The following SGSM3 variants were observed in gnomAD, a reference collection of about 807,000 sequenced individuals.
The protein encoded by SGSM3 is small G protein signaling modulator 3.
SGSM3 carries 96 observed loss-of-function variants against 100.5 expected under a neutral mutation model. The observed-to-expected ratio is 0.96, with a 90% CI of 0.81 to 1.13. SGSM3 has a LOEUF of 1.13. Among genes scored for constraint, SGSM3 ranks in the 50% most tolerant of loss-of-function variants. The probability of loss-of-function intolerance (pLI) is 0.00; values close to 1 mark genes in which losing one functional copy is unlikely to be tolerated. For synonymous variants in SGSM3, 483 were observed against 422.8 expected (o/e 1.14, Z -1.75); for missense variants, 1,001 against 1,015.8 (o/e 0.99, Z 0.20).
At chr22:40,374,188 G>A (rs955242632) in intron 1 of SGSM3, among the ~76,000 whole-genome samples, 8 of 151,964 alleles carry the variant, frequency 5.3e-5, no homozygotes, top group African/African-American at 1.7e-4. Context: ...ATCTGACCTC[G>A]TGATCCGCCT....
At chr22:40,403,790 G>T (rs955003153) in intron 4 of SGSM3, among the ~76,000 whole-genome samples, 2 of 152,200 alleles carry the variant, frequency 1.3e-5, no homozygotes, top group African/African-American at 2.4e-5. Flanking sequence ...TGGGAGGTGA[G>T]GGTAGCAACA....
intron 21 of SGSM3, 26 bp from the exon 22 acceptor site, chr22:40,409,656 G>GAGGTGAGGGGCTGCCCTGT: frequency 6.2e-7 from 1 of 1,610,052 alleles, no homozygotes; most frequent in Non-Finnish European, 8.5e-7. Context: ...CAAGGCCTGT[G>GAGGTGAGGGGCTGCCCTGT]AGGTGAGGGG....
chr22:40,409,597 G>A (rs1213029053), intron 21 of SGSM3, 72 bp downstream of exon 21: 1 of 1,613,378 alleles, frequency 6.2e-7, no homozygotes, highest in Non-Finnish European at 8.5e-7. Context: ...GGCTAAGGTG[G>A]GAACCCGAAG....
intron 1 of SGSM3, among the ~76,000 whole-genome samples, chr22:40,385,300 G>A (rs1489805551): frequency 2.0e-5 from 3 of 152,354 alleles, no homozygotes. Context: ...ATGGCAGTGA[G>A]GCAGAGGGAT....
intron 1 of SGSM3, among the ~76,000 whole-genome samples, chr22:40,383,633 G>C (rs1238543257): frequency 6.6e-6 from 1 of 152,094 alleles, no homozygotes; most frequent in Non-Finnish European, 1.5e-5. Context: ...TATAAATAAA[G>C]GCACAGAGGC....
chr22:40,405,906 G>A (rs917865271), intron 8 of SGSM3, 62 bp downstream of exon 8: 48 of 1,537,682 alleles, frequency 3.1e-5, no homozygotes, highest in Non-Finnish European at 3.8e-5. Flanking sequence ...GCGGGTGGCC[G>A]AGTGGGGATA....
intron 1 of SGSM3, among the ~76,000 whole-genome samples, chr22:40,375,106 A>G (rs1767047181): frequency 6.6e-6 from 1 of 152,316 alleles, no homozygotes; most frequent in South Asian, 2.1e-4. Context: ...ACAGTTAACT[A>G]TTAACTGTCT....
intron 1 of SGSM3, chr22:40,376,146 G>A (rs1375541786): frequency 1.4e-5 from 2 of 138,108 alleles, no homozygotes; most frequent in South Asian, 2.3e-4. Context: ...TTAATTATGT[G>A]ACTTGAGGAT....
rs369832919 is a variant in SGSM3, at chr22:40,407,824, G to A, written c.1560G>A (p.Gly520=). 142 of 1,613,302 alleles carry A rather than the reference G, an allele frequency of 8.8e-5. No individual in the cohort carries two copies. Among genetic ancestry groups the A allele is most frequent in the Admixed American group, 4.7e-4 (28 of 59,920 alleles). Residue 520 remains glycine, a synonymous_variant, in exon 14 of 22, where the codon GGG becomes GGA. Transcript: ENST00000248929. This position sits in a 1 kb window ranked among gnomAD's most constrained non-coding sequence, Gnocchi z 4.7. ...VSQKDEHCWV[G]ELNGLRGWFP... ...AGAAGGACGAGCACTGCTGGGTGGGGGAGCTCAACGGCCTGCGAGGTGGGG... is the reference window on the plus strand; with the variant it reads ...AGAAGGACGAGCACTGCTGGGTGGGAGAGCTCAACGGCCTGCGAGGTGGGG...
intron 1 of SGSM3, among the ~76,000 whole-genome samples, chr22:40,389,664 T>C (rs2049069064): frequency 6.7e-6 from 1 of 149,204 alleles, no homozygotes; most frequent in African/African-American, 2.5e-5. Context: ...TCCCAGCACT[T>C]TGGGAGGCCG....
chr22:40,396,574 CAG>C (rs1206224353), intron 1 of SGSM3, among the ~76,000 whole-genome samples: 2 of 116,228 alleles, frequency 1.7e-5, no homozygotes, highest in South Asian at 2.6e-4. Flanking sequence ...GCCTGGGCGA[CAG>C]AGTGAGACTC....
chr22:40,401,792 C>T, intron 3 of SGSM3, 117 bp downstream of exon 3: 1 of 806,784 alleles, frequency 1.2e-6, no homozygotes. Context: ...TATGAGTTCC[C>T]CACCAGAGAT....
At chr22:40,400,010 T>A (rs1238600624) in intron 1 of SGSM3, among the ~76,000 whole-genome samples, 1 of 152,262 alleles carries the variant, frequency 6.6e-6, no homozygotes, top group Non-Finnish European at 1.5e-5. Context: ...ACTGGGATTT[T>A]CTCACAGCTC....
intron 1 of SGSM3, chr22:40,373,402 T>C (rs532357110): frequency 2.0e-5 from 3 of 152,214 alleles, no homozygotes; most frequent in African/African-American, 4.8e-5. Flanking sequence ...CCTTCATTCA[T>C]TGCAGTCTGA....
chr22:40,407,665 G>A lies in SGSM3; in HGVS notation c.1524+97G>A. 6.3e-7 allele frequency: 1 copy of A among 1,583,198 alleles called. No individual in the cohort carries two copies. Among genetic ancestry groups the A allele is most frequent in the Non-Finnish European group, 8.6e-7 (1 of 1,159,360 alleles). ...ACCCCAACCCCTTTCCCTGCCAAGA[G>A]CTTCTCTTGTGAAGATGTAGGGGTC... On this transcript the variant is annotated intron_variant, in intron 13 of 21. Transcript: ENST00000248929. This position sits in a 1 kb window ranked among gnomAD's most constrained non-coding sequence, Gnocchi z 4.7.
intron 1 of SGSM3, among the ~76,000 whole-genome samples, chr22:40,383,808 C>T (rs1322375198): frequency 2.0e-5 from 3 of 152,110 alleles, no homozygotes; most frequent in African/African-American, 7.2e-5. Context: ...AATCTGGAGA[C>T]ACAGAAATCT....
intron 19 of SGSM3, 90 bp downstream of exon 19, chr22:40,409,108 A>G (rs2052164257): frequency 6.4e-7 from 1 of 1,551,902 alleles, no homozygotes; most frequent in African/African-American, 1.4e-5. Flanking sequence ...ACCCTAAAGG[A>G]CAAAGAACCT....
At chr22:40,409,404 G>A (rs748512428) in intron 20 of SGSM3, 32 bp downstream of exon 20, 4 of 1,578,278 alleles carry the variant, frequency 2.5e-6, no homozygotes, top group Middle Eastern at 3.4e-4. Context: ...GGGGATGGAG[G>A]TGGGGTGGGA....
intron 1 of SGSM3, chr22:40,378,046 A>G (rs1172373849): frequency 2.0e-5 from 3 of 152,212 alleles, no homozygotes; most frequent in African/African-American, 7.2e-5. Context: ...CACAGGTGAC[A>G]GACTGTCTTG....
Sources: gnomAD v4.1 joint callset for allele counts (sites outside exome capture counted in the v4.1 genomes callset) on GRCh38, gnomAD v4.1.1 for gene constraint, Gnocchi (gnomAD v3.1) non-coding constraint, MANE v1.5 for transcripts, NCBI Gene and HGNC (gene_info 2026-07-23, HGNC 2026-07-21) for gene names.